Variants in NRG3 observed in about 807,000 individuals in gnomAD.
NRG3 encodes the protein neuregulin 3.
A neutral mutation model predicts 66.9 loss-of-function variants in NRG3; 31 were observed. That is an observed-to-expected ratio of 0.46 (90% CI 0.35 to 0.63). NRG3 has a LOEUF of 0.63. Ranked by LOEUF, NRG3 falls within the 20% of genes least tolerant of loss-of-function variation. The pLI is 0.00. For synonymous variants in NRG3, 393 were observed against 359.4 expected (o/e 1.09, Z -1.06); for missense variants, 910 against 878.9 (o/e 1.04, Z -0.45).
chr10:82,632,112 A>G (rs949564607), intron 2 of NRG3, among the ~76,000 whole-genome samples: 1 of 152,158 alleles, frequency 6.6e-6, no homozygotes. Flanking sequence ...TCAAAAATTA[A>G]AAAATAAAAA....
At chr10:82,459,013 G>T (rs1161776580) in intron 2 of NRG3, among the ~76,000 whole-genome samples, 1 of 152,124 alleles carries the variant, frequency 6.6e-6, no homozygotes, top group Non-Finnish European at 1.5e-5. Context: ...GATACAGTCT[G>T]CTTGCCACAC....
At chr10:82,012,278 G>T (rs1180443788) in intron 1 of NRG3, among the ~76,000 whole-genome samples, 1 of 152,130 alleles carries the variant, frequency 6.6e-6, no homozygotes, top group Non-Finnish European at 1.5e-5. Context: ...AGCCATGGCT[G>T]GAGTGGCTGG....
intron 2 of NRG3, among the ~76,000 whole-genome samples, chr10:82,599,792 C>T (rs899888704): frequency 7.2e-5 from 11 of 152,064 alleles, no homozygotes; most frequent in Middle Eastern, 3.4e-3. Flanking sequence ...ACTCCAGCCT[C>T]GGCTTCAGGG....
At chr10:82,144,167 C>T (rs566887594) in intron 1 of NRG3, among the ~76,000 whole-genome samples, 1 of 152,074 alleles carries the variant, frequency 6.6e-6, no homozygotes, top group Non-Finnish European at 1.5e-5. Context: ...AAATTTGACT[C>T]TTATGACTTC....
chr10:81,967,822 A>G (rs1354417907), intron 1 of NRG3, among the ~76,000 whole-genome samples: 1 of 152,034 alleles, frequency 6.6e-6, no homozygotes, highest in Non-Finnish European at 1.5e-5. Context: ...GCCATTTTAT[A>G]TGTCTCTTTT....
intron 1 of NRG3, among the ~76,000 whole-genome samples, chr10:82,087,527 C>T (rs990962084): frequency 2.6e-5 from 4 of 152,114 alleles, no homozygotes; most frequent in African/African-American, 9.7e-5. Flanking sequence ...CCCAACAGTA[C>T]AGGTGGACTC....
At chr10:82,716,963 T>G (rs368605468) in intron 2 of NRG3, among the ~76,000 whole-genome samples, 1 of 152,200 alleles carries the variant, frequency 6.6e-6, no homozygotes, top group East Asian at 1.9e-4. Flanking sequence ...AAGTGGTTTC[T>G]ATTTAATCAG....
intron 1 of NRG3, among the ~76,000 whole-genome samples, chr10:81,982,428 T>C (rs2060363320): frequency 6.6e-6 from 1 of 152,224 alleles, no homozygotes; most frequent in Non-Finnish European, 1.5e-5. Context: ...CTCTACTCAT[T>C]ACTTCTAAAG....
chr10:82,725,274 C>T (rs1170738699), intron 2 of NRG3, among the ~76,000 whole-genome samples: 3 of 152,088 alleles, frequency 2.0e-5, no homozygotes, highest in African/African-American at 4.8e-5. Context: ...CTTTACCTGG[C>T]GATTCACCAA....
At chr10:82,400,458 G>T (rs2087008875) in intron 2 of NRG3, among the ~76,000 whole-genome samples, 1 of 152,092 alleles carries the variant, frequency 6.6e-6, no homozygotes, top group African/African-American at 2.4e-5. Context: ...AGAACCTGAG[G>T]TTCTCTGTTT....
At chr10:82,080,308 G>C (rs2065317597) in intron 1 of NRG3, among the ~76,000 whole-genome samples, 1 of 152,070 alleles carries the variant, frequency 6.6e-6, no homozygotes, top group South Asian at 2.1e-4. Context: ...CTGGGTTCTT[G>C]GTGCATAGTT....
chr10:81,980,654 G>T (rs1475688618), intron 1 of NRG3, among the ~76,000 whole-genome samples: 1 of 152,176 alleles, frequency 6.6e-6, no homozygotes, highest in Non-Finnish European at 1.5e-5. Context: ...AGTGCAAGCT[G>T]CTTGTGTTAG....
chr10:82,061,868 CACAA>C (rs1258065518), intron 1 of NRG3, among the ~76,000 whole-genome samples: 7 of 139,702 alleles, frequency 5.0e-5, no homozygotes, highest in South Asian at 4.3e-4. Flanking sequence ...CTCTCACACA[CACAA>C]ACACACACAC....
At chr10:82,108,726 A>G (rs1411340164) in intron 1 of NRG3, among the ~76,000 whole-genome samples, 2 of 152,208 alleles carry the variant, frequency 1.3e-5, no homozygotes, top group East Asian at 3.8e-4. Flanking sequence ...GAATAATCCT[A>G]GCGTTCATAA....
At chr10:82,766,141 GT>G (rs879887325) in intron 3 of NRG3, among the ~76,000 whole-genome samples, 9 of 152,142 alleles carry the variant, frequency 5.9e-5, no homozygotes, top group Middle Eastern at 3.2e-3. Context: ...TTTGCTAAAA[GT>G]AGTTATTTTG....
At chr10:81,904,620 AC>A (rs1172143823) in intron 1 of NRG3, among the ~76,000 whole-genome samples, 1 of 152,096 alleles carries the variant, frequency 6.6e-6, no homozygotes, top group Non-Finnish European at 1.5e-5. Flanking sequence ...GTTCCAGCAG[AC>A]TTTTACCAGG....
chr10:81,979,210 A>T (rs1165230897), intron 1 of NRG3, among the ~76,000 whole-genome samples: 1 of 147,974 alleles, frequency 6.8e-6, no homozygotes, highest in African/African-American at 2.5e-5. Context: ...AAAAAAAAAA[A>T]AATTTCCTGT....
Position 81,951,113 on chromosome 10 carries a change from T to C in NRG3, c.823+74950T>C, listed in dbSNP as rs532951895. Among the ~76,000 whole-genome samples the C allele has an allele frequency of 1.1e-4, 16 of 152,296 alleles. No individual in the cohort carries two copies. The East Asian group carries it at 2.7e-3, about 26-fold the overall frequency. On this transcript the variant is annotated intron_variant, in intron 1 of 8. Coordinates refer to ENST00000372141, the MANE Select transcript of NRG3 (RefSeq NM_001010848.4). Reference sequence around the variant, plus strand: ...TGACTGATTCATTTGCAGCCAGTCATGTGGCTGCTGAAATTTTCCCTTAAG... The same window carrying C: ...TGACTGATTCATTTGCAGCCAGTCACGTGGCTGCTGAAATTTTCCCTTAAG...
At chr10:82,555,732 C>T (rs1200375354) in intron 2 of NRG3, among the ~76,000 whole-genome samples, 2 of 152,140 alleles carry the variant, frequency 1.3e-5, no homozygotes, top group Non-Finnish European at 2.9e-5. Flanking sequence ...AATGATTTGG[C>T]CATTTATCCC....
Sources: allele counts gnomAD v4.1 joint callset (sites outside exome capture counted in the v4.1 genomes callset), GRCh38; gene constraint gnomAD v4.1.1; transcripts MANE v1.5; gene names NCBI Gene and HGNC (gene_info 2026-07-23, HGNC 2026-07-21).